FBN3: variants seen among roughly 807,000 people sequenced by gnomAD.
FBN3 encodes the protein fibrillin-3.
FBN3 carries 234 observed loss-of-function variants against 330.1 expected under a neutral mutation model. The observed-to-expected ratio is 0.71, with a 90% CI of 0.64 to 0.79. The LOEUF (loss-of-function observed/expected upper bound fraction) is 0.79, where lower values mean the gene tolerates loss of function less well. FBN3 is among the 30% of genes least tolerant of loss of function. FBN3 has a pLI of 0.00. For synonymous variants in FBN3, 1,458 were observed against 1,517.3 expected, an observed-to-expected ratio of 0.96 and a Z score of 0.91; for missense variants, 3,606 against 3,886.9, an observed-to-expected ratio of 0.93 and a Z score of 1.92.
intron 25 of FBN3, among the ~76,000 whole-genome samples, chr19:8,119,599 C>T (rs934120725): frequency 6.6e-6 from 1 of 151,972 alleles, no homozygotes; most frequent in Non-Finnish European, 1.5e-5. Flanking sequence ...CTGCAACCTC[C>T]GCCTCCTGGG....
chr19:8,069,931 C>T (rs980760950), intron 63 of FBN3, among the ~76,000 whole-genome samples: 3 of 152,108 alleles, frequency 2.0e-5, no homozygotes, highest in Non-Finnish European at 4.4e-5. Context: ...TGGCGAAACC[C>T]CATCTCTACT....
intron 10 of FBN3, 28 bp downstream of exon 10, chr19:8,138,113 A>G: frequency 6.4e-7 from 1 of 1,570,788 alleles, no homozygotes. Flanking sequence ...CAAGTCTTGG[A>G]ATGTTCCTCC....
At chr19:8,104,399 A>G (rs547980797) in intron 38 of FBN3, among the ~76,000 whole-genome samples, 22 of 151,846 alleles carry the variant, frequency 1.4e-4, no homozygotes, top group African/African-American at 4.6e-4. Context: ...TGAGTCCAGG[A>G]GGTCAAGACT....
chr19:8,066,881 CAAAT>C (rs763848302), intron 63 of FBN3, among the ~76,000 whole-genome samples: 3 of 151,866 alleles, frequency 2.0e-5, no homozygotes, highest in East Asian at 1.9e-4. Context: ...TGTCTCAAAA[CAAAT>C]AAATAAATAA....
At chr19:8,138,023 T>A in intron 10 of FBN3, 118 bp downstream of exon 10, 1 of 1,209,542 alleles carries the variant, frequency 8.3e-7, no homozygotes, top group South Asian at 1.6e-5. Context: ...GAGTTCCCCC[T>A]CCAAAGCCCT....
At chr19:8,101,488 G>C (rs906220311) in intron 40 of FBN3, among the ~76,000 whole-genome samples, 3 of 152,138 alleles carry the variant, frequency 2.0e-5, no homozygotes, top group Non-Finnish European at 4.4e-5. Context: ...CCAGGCCTTG[G>C]CTCCTGCTGT....
At position 8,138,524 on chromosome 19, in the gene FBN3, G is replaced by C. The variant is rs1402174268; in HGVS notation, c.906C>G (p.Gly302=). Reference sequence around the variant, plus strand: ...GGCCGGCGAGGTCTCCAGCACAGCGGCCCCCGAAAAGCACTGAGAAGCAGG... The same window carrying C: ...GGCCGGCGAGGTCTCCAGCACAGCGCCCCCCGAAAAGCACTGAGAAGCAGG... ...AGACFSVLFG[G]RCAGDLAGHY... is the part of the protein sequence containing the mutation. Residue 302 remains glycine, a synonymous_variant, in exon 9 of 64, where the codon GGC becomes GGG. Transcript: ENST00000600128. The C allele has an allele frequency of 6.2e-7, 1 of 1,612,282 alleles. No individual in the cohort carries two copies. Among genetic ancestry groups the C allele is most frequent in the South Asian group, 1.1e-5 (1 of 91,004 alleles).
intron 37 of FBN3, among the ~76,000 whole-genome samples, chr19:8,107,630 A>G (rs2082475765): frequency 6.7e-6 from 1 of 149,766 alleles, no homozygotes; most frequent in Non-Finnish European, 1.5e-5. Flanking sequence ...AGGATGGGGA[A>G]TGAATGGTTG....
At chr19:8,095,303 G>C in intron 46 of FBN3, 72 bp downstream of exon 46, 5 of 1,485,262 alleles carry the variant, frequency 3.4e-6, no homozygotes, top group Non-Finnish European at 4.5e-6. Context: ...TGCTCACCCA[G>C]AAGTACCAAA....
Position 8,146,164 on chromosome 19 carries a change from C to T in FBN3, c.312G>A (p.Ala104=), listed in dbSNP as rs144757153. 2.9e-5 allele frequency: 47 copies of T among 1,602,934 alleles called. No individual in the cohort carries two copies. Among genetic ancestry groups the T allele is most frequent in the Middle Eastern group, 1.6e-4 (1 of 6,066 alleles). The change falls in exon 4 of 64, where the codon GCG becomes GCA. Residue 104 remains alanine (A), a synonymous_variant. Transcript: ENST00000600128. ...FCSQPNLCTC[A]DGTLAPSCGV... is the part of the protein sequence containing the mutation. Reference sequence around the variant, plus strand: ...CGCAGCTGGGAGCCAGCGTCCCATCCGCACAGGTGCACAGGTTGGGCTGGG... The same window carrying T: ...CGCAGCTGGGAGCCAGCGTCCCATCTGCACAGGTGCACAGGTTGGGCTGGG...
At chr19:8,083,432 T>C (rs1428157328) in intron 56 of FBN3, 60 bp from the exon 57 acceptor site, 3 of 1,592,618 alleles carry the variant, frequency 1.9e-6, no homozygotes, top group Middle Eastern at 1.7e-4. Context: ...CACCGAGGAA[T>C]GTCTCCTTCT....
chr19:8,074,295 T>C (rs1201378571), intron 61 of FBN3, among the ~76,000 whole-genome samples: 2 of 150,086 alleles, frequency 1.3e-5, no homozygotes, highest in Non-Finnish European at 3.0e-5. Context: ...GCCTGGGGGG[T>C]GGGGTCGTGT....
intron 61 of FBN3, 45 bp downstream of exon 61, chr19:8,075,026 G>A: frequency 6.3e-7 from 1 of 1,584,340 alleles, no homozygotes. Flanking sequence ...GCTCTGAGCA[G>A]ATTCTGGTGG....
At position 8,145,936 on chromosome 19, in the gene FBN3, A is replaced by G. The variant is rs1460983733; in HGVS notation, c.352T>C (p.Ser118Pro). 1.3e-6 allele frequency: 2 copies of G among 1,550,450 alleles called. No individual in the cohort carries two copies. The highest frequency in any genetic ancestry group is 2.0e-5 in the Admixed American group (1 of 50,980). ...LAPSCGVSRG[S>P]GCSVSCMNGG... is the part of the protein sequence containing the mutation. ...TTCATACAGCTCACACTGCACCCTG[A>G]CCCTGGGGACAGGAAGGCAGGACGC... Residue 118 changes from serine to proline, a missense_variant and splice_region_variant, in exon 5 of 64, where the codon TCA becomes CCA. By Grantham distance (74) the Ser-to-Pro change is moderately conservative. Transcript: ENST00000600128.
intron 1 of FBN3, chr19:8,148,785 G>GGT (rs2083610178): frequency 6.6e-6 from 1 of 152,372 alleles, no homozygotes. Flanking sequence ...AGAGACCCCT[G>GGT]TCAACGTTGG....
At chr19:8,126,924 G>T in intron 18 of FBN3, 92 bp from the exon 19 acceptor site, 6 of 1,420,860 alleles carry the variant, frequency 4.2e-6, no homozygotes, top group Non-Finnish European at 5.6e-6. Flanking sequence ...CGCCGCAACC[G>T]GTGGCACGGG....
At chr19:8,138,695 A>C in intron 8 of FBN3, 131 bp from the exon 9 acceptor site, 1 of 946,194 alleles carries the variant, frequency 1.1e-6, no homozygotes, top group Non-Finnish European at 1.5e-6. Flanking sequence ...TTTCCTCTCC[A>C]TAAAATGGGG....
At chr19:8,140,820 C>A (rs2083392926) in intron 8 of FBN3, among the ~76,000 whole-genome samples, 1 of 151,958 alleles carries the variant, frequency 6.6e-6, no homozygotes, top group South Asian at 2.1e-4. Flanking sequence ...AGAGAGGACC[C>A]CCCGCAGTCC....
At position 8,086,252 on chromosome 19, in the gene FBN3, C is replaced by T. The variant is rs747670505; in HGVS notation, c.6828G>A (p.Arg2276=). The change falls in exon 55 of 64, where the codon CGG becomes CGA. Residue 2276 remains arginine (R), a synonymous_variant. Transcript: ENST00000600128. ...GCTGGAATCCCTCATCACAGTCGCA[C>T]CGGAAGCTGCCCGCGGTGTTGACAC... ...GRCVNTAGSF[R]CDCDEGFQPS... 6.2e-7 allele frequency: 1 copy of T among 1,611,258 alleles called. No individual in the cohort carries two copies. The highest frequency in any genetic ancestry group is 8.5e-7 in the Non-Finnish European group (1 of 1,178,502).
Sources: allele counts gnomAD v4.1 joint callset (sites outside exome capture counted in the v4.1 genomes callset), GRCh38; gene constraint gnomAD v4.1.1; transcripts MANE v1.5; gene names NCBI Gene and HGNC (gene_info 2026-07-23, HGNC 2026-07-21).